The following TBC1D31 variants were observed in gnomAD, a reference collection of about 807,000 sequenced individuals.
The protein encoded by TBC1D31 is TBC1 domain family member 31.
A neutral mutation model predicts 132.9 loss-of-function variants in TBC1D31; 99 were observed. That is an observed-to-expected ratio of 0.74 (90% CI 0.63 to 0.88). The LOEUF is 0.88. TBC1D31 is among the 40% of genes least tolerant of loss of function. TBC1D31 has a pLI of 0.00. For synonymous variants in TBC1D31, 385 were observed against 419.4 expected (o/e 0.92, Z 1.00); for missense variants, 1,134 against 1,256.6 (o/e 0.90, Z 1.48).
chr8:123,104,202 G>C (rs188206628), intron 7 of TBC1D31: 1 of 152,030 alleles, frequency 6.6e-6, no homozygotes, highest in Non-Finnish European at 1.5e-5. Flanking sequence ...GTAAATTTCA[G>C]CTCTCATGGT....
chr8:123,149,170 C>T lies in TBC1D31; in HGVS notation c.2975-866C>T, dbSNP rs183551512. ...CTGGAACAGTGCAGATTGCAGATTA[C>T]GTTTACTACCTCCGCCATGTCCCGC... On this transcript the variant is annotated intron_variant, in intron 20 of 21. Coordinates refer to ENST00000287380, the MANE Select transcript of TBC1D31 (RefSeq NM_145647.4). 3.3e-5 allele frequency among the ~76,000 whole-genome samples: 5 copies of T among 152,300 alleles called. No homozygotes were observed. The East Asian group carries it at 7.7e-4, about 24-fold the overall frequency.
intron 17 of TBC1D31, among the ~76,000 whole-genome samples, chr8:123,139,881 T>C (rs1342386456): frequency 6.6e-6 from 1 of 152,220 alleles, no homozygotes; most frequent in Non-Finnish European, 1.5e-5. Context: ...TCCCCAGGGA[T>C]AAGGCTATTC....
chr8:123,109,096 G>C (rs979957179), intron 8 of TBC1D31, among the ~76,000 whole-genome samples: 1 of 152,154 alleles, frequency 6.6e-6, no homozygotes, highest in African/African-American at 2.4e-5. Flanking sequence ...AGTTTGTCAA[G>C]CTTGTTTAGG....
intron 1 of TBC1D31, chr8:123,073,421 C>T (rs1306840533): frequency 4.4e-6 from 2 of 456,068 alleles, no homozygotes; most frequent in Non-Finnish European, 8.8e-6. Context: ...CTGGAGTTTA[C>T]ATATCGGCGT....
chr8:123,142,599 G>C (rs1390118497), intron 19 of TBC1D31, 143 bp downstream of exon 19: 1 of 602,600 alleles, frequency 1.7e-6, no homozygotes, highest in Non-Finnish European at 2.7e-6. Context: ...CTCCCAAAGT[G>C]CTGGGATTAC....
At chr8:123,133,105 C>T (rs1326890737) in intron 16 of TBC1D31, among the ~76,000 whole-genome samples, 2 of 152,236 alleles carry the variant, frequency 1.3e-5, no homozygotes, top group Non-Finnish European at 2.9e-5. Context: ...CAGACTCTAG[C>T]AGGAAAGGCT....
Position 123,152,048 on chromosome 8 carries a change from G to A in TBC1D31, c.*109G>A. On this transcript the variant is annotated 3_prime_UTR_variant, in exon 22 of 22. Coordinates refer to ENST00000287380, the MANE Select transcript of TBC1D31 (RefSeq NM_145647.4). ...CCTATAAAGATCAGCCCTTTGTACA[G>A]AAAAATGTGTCTATAAAAATTATGT... is the stretch of plus-strand genomic sequence containing the variant. 1 of 1,084,134 alleles carries A rather than the reference G, an allele frequency of 9.2e-7. No individual in the cohort carries two copies. Among genetic ancestry groups the A allele is most frequent in the Non-Finnish European group, 1.2e-6 (1 of 830,688 alleles). 67.2% of individuals were successfully genotyped at this position (1,084,134 alleles called of 1,614,324 possible).
At chr8:123,160,847 A>G in the TBC1D31 span, among the ~76,000 whole-genome samples, 110 of 152,152 alleles carry the variant, frequency 7.2e-4, no homozygotes, top group Non-Finnish European at 1.3e-3. Context: ...TATGTCCCCA[A>G]TTTTCCAAGA....
At chr8:123,145,461 G>C (rs1181731923) in intron 20 of TBC1D31, among the ~76,000 whole-genome samples, 1 of 152,198 alleles carries the variant, frequency 6.6e-6, no homozygotes, top group African/African-American at 2.4e-5. Context: ...CAGAACAACA[G>C]TATATTCAAG....
At chr8:123,087,548 C>A (rs1444263103) in intron 4 of TBC1D31, among the ~76,000 whole-genome samples, 2 of 152,176 alleles carry the variant, frequency 1.3e-5, no homozygotes, top group Non-Finnish European at 2.9e-5. Context: ...AAGGTCTTTT[C>A]TTCTTTAATT....
chr8:123,090,890 A>G (rs1263253040), intron 4 of TBC1D31, among the ~76,000 whole-genome samples: 2 of 152,174 alleles, frequency 1.3e-5, no homozygotes, highest in Admixed American at 1.3e-4. Context: ...TAGTGAGCCA[A>G]GATCACGCCA....
At chr8:123,147,603 G>T (rs550388133) in intron 20 of TBC1D31, among the ~76,000 whole-genome samples, 1 of 152,284 alleles carries the variant, frequency 6.6e-6, no homozygotes, top group South Asian at 2.1e-4. Context: ...CTGCCTCCAT[G>T]ATGTCTTCCC....
At chr8:123,111,964 C>T (rs1477088621) in intron 10 of TBC1D31, among the ~76,000 whole-genome samples, 1 of 152,152 alleles carries the variant, frequency 6.6e-6, no homozygotes, top group Non-Finnish European at 1.5e-5. Context: ...AACGATCCTC[C>T]CCCCTTAGCC....
rs370482437 is a variant in TBC1D31, at chr8:123,127,519, T to G, written c.1885-762T>G. Among the ~76,000 whole-genome samples, 8 of 151,736 alleles carry G rather than the reference T, an allele frequency of 5.3e-5. No individual in the cohort carries two copies. The East Asian group carries it at 1.6e-3, about 30-fold the overall frequency. ...AACCCCTTACCTCAGATGATCCACC[T>G]GCCTCGGCCTCCCAAAGTGCTGGGA... is the stretch of plus-strand genomic sequence containing the variant. On this transcript the variant is annotated intron_variant, in intron 13 of 21. Coordinates refer to ENST00000287380, the MANE Select transcript of TBC1D31 (RefSeq NM_145647.4).
At position 123,084,915 on chromosome 8, in the gene TBC1D31, A is replaced by G. The variant is rs536941748; in HGVS notation, c.519+575A>G. ...AGCGATTCTCCTGCCTTAGCCTCCCATGTAGCTGGGACTACAGGCATGTAC... is the reference window on the plus strand; with the variant it reads ...AGCGATTCTCCTGCCTTAGCCTCCCGTGTAGCTGGGACTACAGGCATGTAC... On this transcript the variant is annotated intron_variant, in intron 4 of 21. Coordinates refer to ENST00000287380, the MANE Select transcript of TBC1D31 (RefSeq NM_145647.4). Among the ~76,000 whole-genome samples, 8 of 152,120 alleles carry G rather than the reference A, an allele frequency of 5.3e-5. No individual in the cohort carries two copies. The South Asian group carries it at 1.2e-3, about 24-fold the overall frequency.
chr8:123,083,896 C>G, intron 3 of TBC1D31: 2 of 354,900 alleles, frequency 5.6e-6, no homozygotes, highest in Non-Finnish European at 1.0e-5. Flanking sequence ...CAAGAGAAAG[C>G]CCAAACTCAC....
At chr8:123,105,523 T>A in intron 8 of TBC1D31, 59 bp downstream of exon 8, 5 of 1,399,770 alleles carry the variant, frequency 3.6e-6, no homozygotes, top group Non-Finnish European at 4.9e-6. Context: ...GTCTTGTGAT[T>A]TCTAAGCCAT....
chr8:123,153,969 G>A (rs1376745195), downstream of TBC1D31, among the ~76,000 whole-genome samples: 1 of 152,184 alleles, frequency 6.6e-6, no homozygotes, highest in Admixed American at 6.5e-5. Context: ...TGAATTCAGT[G>A]GTGCTAAATA....
chr8:123,114,210 G>C (rs530738954), intron 10 of TBC1D31, among the ~76,000 whole-genome samples: 2 of 152,338 alleles, frequency 1.3e-5, no homozygotes, highest in East Asian at 3.9e-4. Flanking sequence ...ATTTATTGTT[G>C]TAGCCAGGCG....
Sources: allele counts gnomAD v4.1 joint callset (sites outside exome capture counted in the v4.1 genomes callset), GRCh38; gene constraint gnomAD v4.1.1; transcripts MANE v1.5; gene names NCBI Gene and HGNC (gene_info 2026-07-23, HGNC 2026-07-21).